The following TIA1 variants were observed in gnomAD, a reference collection of about 807,000 sequenced individuals.
TIA1 encodes TIA1 cytotoxic granule associated RNA binding protein, also known as cytotoxic granule associated RNA binding protein TIA1.
A neutral mutation model predicts 65.9 loss-of-function variants in TIA1; 23 were observed. The ratio of observed to expected loss-of-function variants is 0.35; its 90% CI spans 0.25 to 0.49. TIA1 has a LOEUF of 0.49. TIA1 is among the 20% of genes least tolerant of loss of function. TIA1 has a pLI of 0.98. For missense variants in TIA1, 371 were observed against 477.9 expected, an observed-to-expected ratio of 0.78 and a Z score of 2.09; for synonymous variants, 147 against 149.4, an observed-to-expected ratio of 0.98 and a Z score of 0.12.
rs1050576661 is a variant in TIA1, at chr2:70,219,330, T to C, written c.475-2336A>G. Among the ~76,000 whole-genome samples, 40 of 152,006 alleles carry C rather than the reference T, an allele frequency of 2.6e-4. 1 individual carries two copies. Among genetic ancestry groups the C allele is most frequent in the Admixed American group, 2.4e-3 (36 of 15,256 alleles). ...AGAGGTTAAGAGGTGACCTTGAAAA[T>C]AGAGTAGCATTGGTACAAAGTGAGA... On this transcript the variant is annotated intron_variant, in intron 7 of 12. Transcript: ENST00000433529.
At chr2:70,221,603 A>T (rs938530739) in intron 7 of TIA1, among the ~76,000 whole-genome samples, 1 of 152,158 alleles carries the variant, frequency 6.6e-6, no homozygotes, top group African/African-American at 2.4e-5. Flanking sequence ...AGAACAGGGA[A>T]ATCTACAGAG....
At chr2:70,221,347 G>C (rs1041112047) in intron 7 of TIA1, among the ~76,000 whole-genome samples, 4 of 151,868 alleles carry the variant, frequency 2.6e-5, no homozygotes, top group African/African-American at 9.7e-5. Context: ...GTGTACACCT[G>C]TGGTCCCAGC....
At chr2:70,215,156 C>T in intron 11 of TIA1, 1 of 534,376 alleles carries the variant, frequency 1.9e-6, no homozygotes, top group Non-Finnish European at 3.2e-6. Flanking sequence ...TTTTAAAATC[C>T]ACTGTGTGAG....
At chr2:70,224,805 T>C (rs970570379) in intron 6 of TIA1, 176 bp from the exon 7 acceptor site, 24 of 1,390,058 alleles carry the variant, frequency 1.7e-5, no homozygotes, top group Non-Finnish European at 2.1e-5. Flanking sequence ...CTTAATTTTA[T>C]AGACATGCAA....
chr2:70,216,655 C>T, intron 8 of TIA1, 156 bp from the exon 9 acceptor site: 1 of 1,361,368 alleles, frequency 7.3e-7, no homozygotes, highest in Non-Finnish European at 9.8e-7. Flanking sequence ...AAACCTCCCC[C>T]ACGAATGTCT....
At chr2:70,215,009 C>A in intron 11 of TIA1, 1 of 199,216 alleles carries the variant, frequency 5.0e-6, no homozygotes, top group Non-Finnish European at 1.0e-5. Flanking sequence ...AGAAAAATGC[C>A]AAGGCCATAA....
intron 2 of TIA1, among the ~76,000 whole-genome samples, chr2:70,233,983 T>C (rs1425721471): frequency 6.6e-6 from 1 of 152,200 alleles, no homozygotes; most frequent in Non-Finnish European, 1.5e-5. Context: ...AAATCTAAGC[T>C]TTTGAGCGAT....
chr2:70,229,586 T>C (rs561346050), intron 3 of TIA1, among the ~76,000 whole-genome samples: 76 of 152,292 alleles, frequency 5.0e-4, no homozygotes, highest in African/African-American at 1.8e-3. Flanking sequence ...TCTTTTCCAT[T>C]AGCATCCAAG....
At position 70,212,508 on chromosome 2, in the gene TIA1, T is replaced by C. The variant is rs1460355931; in HGVS notation, c.*211A>G. On this transcript the variant is annotated 3_prime_UTR_variant, in exon 13 of 13. Coordinates refer to ENST00000433529, the MANE Select transcript of TIA1 (RefSeq NM_022173.4). ...TGAGAAACTTTATCAAAAAAGGTAA[T>C]GAAGGCAAAAATTGGCAGACATCCA... 2 of 415,898 alleles carry C rather than the reference T, an allele frequency of 4.8e-6. No homozygotes were observed. The highest frequency in any genetic ancestry group is 4.0e-5 in the African/African-American group (2 of 49,982). 25.8% of individuals were successfully genotyped at this position (415,898 alleles called of 1,614,324 possible).
At chr2:70,223,612 C>T (rs1682492844) in intron 7 of TIA1, among the ~76,000 whole-genome samples, 1 of 151,628 alleles carries the variant, frequency 6.6e-6, no homozygotes, top group Non-Finnish European at 1.5e-5. Flanking sequence ...TGGGGTTTTG[C>T]CATGTTGTCC....
chr2:70,218,770 G>C (rs1679874100), intron 7 of TIA1, among the ~76,000 whole-genome samples: 1 of 152,206 alleles, frequency 6.6e-6, no homozygotes, highest in African/African-American at 2.4e-5. Context: ...GAATGGCTTA[G>C]GATAATGGGT....
rs1189335369 is a variant in TIA1 at position 70,210,358 on chromosome 2, A to G, written c.*2361T>C. 1.3e-5 allele frequency: 2 copies of G among 152,202 alleles called. No homozygotes were observed. Among genetic ancestry groups the G allele is most frequent in the Non-Finnish European group, 1.5e-5 (1 of 68,032 alleles). The allele number at this position is 152,202 out of a possible 1,614,324, so 9.4% of individuals were successfully genotyped here. A position where few individuals can be genotyped will look rare whatever the true frequency, so the allele number is the denominator to read the frequency against. On this transcript the variant is annotated 3_prime_UTR_variant, in exon 13 of 13. Coordinates refer to ENST00000433529, the MANE Select transcript of TIA1 (RefSeq NM_022173.4). ...TTGCAGAGAATGAAACCATTTTAAA[A>G]ACTTTAATTTCCTTACCTGATACTA...
intron 2 of TIA1, among the ~76,000 whole-genome samples, chr2:70,231,978 G>A (rs896140500): frequency 2.6e-5 from 4 of 151,206 alleles, no homozygotes; most frequent in Admixed American, 6.6e-5. Flanking sequence ...CGAGGCAGGC[G>A]GATCATGAGG....
At chr2:70,224,878 A>G in intron 6 of TIA1, 1 of 1,221,294 alleles carries the variant, frequency 8.2e-7, no homozygotes, top group Non-Finnish European at 1.0e-6. Context: ...TCTTCAAAAA[A>G]CTTTTTAAAC....
At chr2:70,231,460 A>C (rs1686260359) in intron 2 of TIA1, among the ~76,000 whole-genome samples, 1 of 151,982 alleles carries the variant, frequency 6.6e-6, no homozygotes, top group Non-Finnish European at 1.5e-5. Context: ...AAAAAAAAAA[A>C]GCAAACACTT....
intron 11 of TIA1, 199 bp downstream of exon 11, chr2:70,215,172 G>T: frequency 1.6e-6 from 1 of 609,166 alleles, no homozygotes; most frequent in Non-Finnish European, 2.8e-6. Flanking sequence ...GTGAGCATGA[G>T]TCAATTGAGG....
At chr2:70,221,138 C>T (rs879312550) in intron 7 of TIA1, among the ~76,000 whole-genome samples, 5 of 152,110 alleles carry the variant, frequency 3.3e-5, no homozygotes, top group Non-Finnish European at 7.3e-5. Context: ...TCCTGAGTAG[C>T]CGTGATTACA....
chr2:70,242,642 A>C (rs1692403678), intron 1 of TIA1, among the ~76,000 whole-genome samples: 1 of 152,064 alleles, frequency 6.6e-6, no homozygotes, highest in South Asian at 2.1e-4. Flanking sequence ...CATCTAGAAC[A>C]GGGGTCCCCA....
At chr2:70,241,011 A>G (rs1291206979) in intron 1 of TIA1, among the ~76,000 whole-genome samples, 1 of 152,248 alleles carries the variant, frequency 6.6e-6, no homozygotes, top group Non-Finnish European at 1.5e-5. Context: ...TGAGAGAAAT[A>G]GAAAATCACC....
Sources: allele counts gnomAD v4.1 joint callset (sites outside exome capture counted in the v4.1 genomes callset), GRCh38; gene constraint gnomAD v4.1.1; transcripts MANE v1.5; gene names NCBI Gene and HGNC (gene_info 2026-07-23, HGNC 2026-07-21).